CUX1: variants seen among roughly 807,000 people sequenced by gnomAD.
The protein encoded by CUX1 is cut like homeobox 1.
In CUX1, 31 loss-of-function variants were observed where a neutral mutation model predicts 158.8. The ratio of observed to expected loss-of-function variants is 0.20; its 90% confidence interval spans 0.15 to 0.26. The LOEUF is 0.26. Ranked by LOEUF, CUX1 falls within the 10% of genes least tolerant of loss-of-function variation. CUX1 has a pLI of 1.00. For missense variants in CUX1, 1,589 were observed against 2,014.6 expected (o/e 0.79, Z 4.04); for synonymous variants, 879 against 862.1 (o/e 1.02, Z -0.34).
At chr7:101,854,860 T>C (rs1437255608) in intron 1 of CUX1, among the ~76,000 whole-genome samples, 1 of 152,228 alleles carries the variant, frequency 6.6e-6, no homozygotes, top group African/African-American at 2.4e-5. Flanking sequence ...TTCTTGTGCC[T>C]CAGCCTCCCA....
chr7:102,201,400 C>G lies in CUX1; in HGVS notation c.2103C>G (p.Asn701Lys), dbSNP rs1464914318. Residue 701 changes from asparagine to lysine, a missense_variant, in exon 18 of 24, where the codon AAC becomes AAG. By Grantham distance (94) the Asn-to-Lys change is moderately conservative (BLOSUM62 0). Around this residue, in one of 8 missense-constraint regions of CUX1, gnomAD observed 337 missense variants for 409.3 expected, o/e 0.82. Transcript: ENST00000292535. This position sits in a 1 kb window ranked among gnomAD's most constrained non-coding sequence, Gnocchi z 5.0. ...AQPSSASGSG[N>K]SDDAIRSILQ... ...CTTCCTCCGCATCCGGCAGCGGGAA[C>G]TCTGATGACGCCATCCGCTCCATCC... 9.3e-6 allele frequency: 15 copies of G among 1,613,990 alleles called. No individual in the cohort carries two copies. The highest frequency in any genetic ancestry group is 1.7e-4 in the Middle Eastern group (1 of 6,060).
At chr7:102,111,179 C>A (rs1369034081) in intron 6 of CUX1, among the ~76,000 whole-genome samples, 1 of 151,620 alleles carries the variant, frequency 6.6e-6, no homozygotes, top group Non-Finnish European at 1.5e-5. Flanking sequence ...CCTGGGAAAT[C>A]TGAATCTGTG....
chr7:101,938,233 C>T (rs902558741), intron 2 of CUX1, among the ~76,000 whole-genome samples: 1 of 151,954 alleles, frequency 6.6e-6, no homozygotes, highest in Non-Finnish European at 1.5e-5. Context: ...CCATCTCAGT[C>T]TGCTGGGTAG....
chr7:102,179,393 C>G (rs1563361055), intron 11 of CUX1, among the ~76,000 whole-genome samples: 1 of 152,146 alleles, frequency 6.6e-6, no homozygotes, highest in African/African-American at 2.4e-5. Context: ...GAGGATACCC[C>G]TACAGGAGGA....
At chr7:102,206,182 C>A (rs992629121) in intron 20 of CUX1, among the ~76,000 whole-genome samples, 18 of 152,098 alleles carry the variant, frequency 1.2e-4, no homozygotes, top group African/African-American at 4.3e-4. Context: ...ACAGATGCAG[C>A]CGGGGCACCT....
At chr7:102,262,044 C>G (rs1193096849), downstream of CUX1, among the ~76,000 whole-genome samples, 1 of 152,060 alleles carries the variant, frequency 6.6e-6, no homozygotes, top group Non-Finnish European at 1.5e-5. Flanking sequence ...CCCAGGAGCT[C>G]AAGGCTGCAG....
intron 1 of CUX1, among the ~76,000 whole-genome samples, chr7:101,853,549 T>A (rs914521176): frequency 6.6e-6 from 1 of 151,710 alleles, no homozygotes; most frequent in Non-Finnish European, 1.5e-5. Flanking sequence ...GACGTGTTGT[T>A]GTTTGTTCAT....
At chr7:102,238,188 C>G (rs920791889) in intron 22 of CUX1, among the ~76,000 whole-genome samples, 3 of 152,056 alleles carry the variant, frequency 2.0e-5, no homozygotes, top group African/African-American at 7.2e-5. Context: ...TCTCTAAACT[C>G]CCCCGGGGAA....
chr7:102,025,040 C>G (rs1291738242), intron 2 of CUX1, among the ~76,000 whole-genome samples: 1 of 152,138 alleles, frequency 6.6e-6, no homozygotes, highest in East Asian at 1.9e-4. Flanking sequence ...CTGGCAGTTT[C>G]CAGCCTCTCG....
chr7:102,209,914 A>G (rs560593176), intron 20 of CUX1, among the ~76,000 whole-genome samples: 1 of 152,036 alleles, frequency 6.6e-6, no homozygotes, highest in South Asian at 2.1e-4. Context: ...ACAGACGGGG[A>G]CTCACTCTGT....
chr7:101,942,816 G>C (rs140589814), intron 2 of CUX1, among the ~76,000 whole-genome samples: 279 of 152,330 alleles, frequency 1.8e-3, no homozygotes, highest in Non-Finnish European at 2.7e-3. Context: ...ACTGCTCCAA[G>C]CCTTTGCCCC....
upstream of CUX1, among the ~76,000 whole-genome samples, chr7:101,816,582 G>A (rs1163245756): frequency 2.9e-5 from 4 of 140,058 alleles, no homozygotes; most frequent in Non-Finnish European, 6.3e-5. Context: ...CCGCCCGCCC[G>A]CTCGCCCCGC....
chr7:101,888,179 C>G (rs1056185455), intron 1 of CUX1, among the ~76,000 whole-genome samples: 6 of 151,760 alleles, frequency 4.0e-5, no homozygotes, highest in Admixed American at 6.6e-5. Context: ...ACTAAAAATA[C>G]AAAAATCTGG....
chr7:102,002,140 A>G (rs1816756976), intron 2 of CUX1, among the ~76,000 whole-genome samples: 1 of 152,106 alleles, frequency 6.6e-6, no homozygotes, highest in African/African-American at 2.4e-5. Flanking sequence ...ATAAAAATAT[A>G]TATTTTTTAA....
intron 2 of CUX1, among the ~76,000 whole-genome samples, chr7:102,010,669 T>C (rs1817896970): frequency 6.6e-6 from 1 of 152,240 alleles, no homozygotes; most frequent in African/African-American, 2.4e-5. Context: ...CACATGCATG[T>C]GTGGCACATT....
At chr7:102,034,983 G>A (rs1821257617) in intron 3 of CUX1, among the ~76,000 whole-genome samples, 1 of 151,146 alleles carries the variant, frequency 6.6e-6, no homozygotes, top group African/African-American at 2.4e-5. Context: ...AGGAATAGAG[G>A]GAAACATCTT....
At chr7:101,929,538 C>T (rs1208320376) in intron 2 of CUX1, among the ~76,000 whole-genome samples, 1 of 152,170 alleles carries the variant, frequency 6.6e-6, no homozygotes. Flanking sequence ...CAGCAAACAA[C>T]TTTGTTGAGC....
At chr7:102,091,271 T>A (rs549557231) in intron 4 of CUX1, among the ~76,000 whole-genome samples, 1 of 152,330 alleles carries the variant, frequency 6.6e-6, no homozygotes, top group Admixed American at 6.5e-5. Context: ...GATAGCCATT[T>A]ACCATCACAA....
intron 14 of CUX1, among the ~76,000 whole-genome samples, chr7:102,268,827 G>A (rs1044953914): frequency 5.3e-5 from 8 of 151,836 alleles, no homozygotes; most frequent in African/African-American, 1.2e-4. Flanking sequence ...GAGGTGCCAC[G>A]CTCCTTAAAC....
Sources: gnomAD v4.1 joint callset for allele counts (sites outside exome capture counted in the v4.1 genomes callset) on GRCh38, gnomAD v4.1.1 for gene constraint, gnomAD v4.1.1 regional missense constraint, Gnocchi (gnomAD v3.1) non-coding constraint, MANE v1.5 for transcripts, NCBI Gene and HGNC (gene_info 2026-07-23, HGNC 2026-07-21) for gene names.